Variants in UGT1A5 observed in about 807,000 individuals in gnomAD.
UGT1A5 encodes UDP-glucuronosyltransferase 1A5.
A neutral mutation model predicts 40.3 loss-of-function variants in UGT1A5; 29 were observed. The ratio of observed to expected loss-of-function variants is 0.72; its 90% CI spans 0.54 to 0.98. The LOEUF is 0.98. UGT1A5 is among the 50% of genes least tolerant of loss of function. The pLI is 0.00. For synonymous variants in UGT1A5, 257 were observed against 262.5 expected (o/e 0.98, Z 0.20); for missense variants, 678 against 677.9 (o/e 1.00, Z 0.00).
At chr2:233,750,199 CA>C (rs1448966489) in intron 1 of UGT1A5, among the ~76,000 whole-genome samples, 1 of 151,826 alleles carries the variant, frequency 6.6e-6, no homozygotes, top group Non-Finnish European at 1.5e-5. Flanking sequence ...CAATGAAGTC[CA>C]GGCTGAGTCT....
chr2:233,720,875 T>C (rs1162518067), intron 1 of UGT1A5, among the ~76,000 whole-genome samples: 2 of 150,264 alleles, frequency 1.3e-5, no homozygotes, highest in East Asian at 3.9e-4. Context: ...CTGGCAATTT[T>C]TTTTTTTTTT....
At chr2:233,730,120 A>G in intron 1 of UGT1A5, 3 of 1,552,984 alleles carry the variant, frequency 1.9e-6, no homozygotes, top group Non-Finnish European at 1.7e-6. Context: ...TCTCCTTGTC[A>G]TAATAGCCTT....
chr2:233,760,266 C>G (rs778145749), intron 1 of UGT1A5: 1 of 1,612,006 alleles, frequency 6.2e-7, no homozygotes. Flanking sequence ...GAGGGCGAAC[C>G]TCTGGCAGGA....
At chr2:233,719,800 G>A (rs528409094) in intron 1 of UGT1A5, 47 of 1,602,562 alleles carry the variant, frequency 2.9e-5, no homozygotes, top group South Asian at 6.7e-5. Flanking sequence ...TTTTATTTTG[G>A]CTTCTTTATA....
chr2:233,752,890 C>T lies in UGT1A5; in HGVS notation c.868-14144C>T, dbSNP rs537828663. Among the ~76,000 whole-genome samples, 6 of 152,322 alleles carry T rather than the reference C, an allele frequency of 3.9e-5. No homozygotes were observed. In the East Asian group the frequency reaches 1.2e-3, roughly 29 times the overall value. On this transcript the variant is annotated intron_variant, in intron 1 of 4. Coordinates refer to ENST00000373414, the MANE Select transcript of UGT1A5 (RefSeq NM_019078.2). Reference sequence around the variant, plus strand: ...GCTTTCAACTGTTAAAACTAGCCAGCGTTGTTACAGATCCACCTCTGAGTG... The same window carrying T: ...GCTTTCAACTGTTAAAACTAGCCAGTGTTGTTACAGATCCACCTCTGAGTG...
At chr2:233,724,847 C>A (rs1352664169) in intron 1 of UGT1A5, among the ~76,000 whole-genome samples, 1 of 131,490 alleles carries the variant, frequency 7.6e-6, no homozygotes, top group African/African-American at 3.2e-5. Context: ...CCAAGGCAGG[C>A]GGCTGGGAGG....
intron 1 of UGT1A5, chr2:233,719,272 C>T (rs1269795663): frequency 6.2e-7 from 1 of 1,614,132 alleles, no homozygotes; most frequent in Admixed American, 1.7e-5. Flanking sequence ...GTGGTTTTAA[C>T]AGACCCCGTT....
intron 1 of UGT1A5, among the ~76,000 whole-genome samples, chr2:233,733,037 G>T (rs562709334): frequency 5.5e-4 from 83 of 152,142 alleles, no homozygotes; most frequent in Non-Finnish European, 1.1e-3. Context: ...TCCCTTTTAA[G>T]TTGGATTCCT....
Position 233,769,206 on chromosome 2 carries a change from G to A in UGT1A5, c.1307+767G>A, listed in dbSNP as rs1699814631. 6.6e-6 allele frequency among the ~76,000 whole-genome samples: 1 copy of A among 152,206 alleles called. No homozygotes were observed. Among genetic ancestry groups the A allele is most frequent in the South Asian group, 2.1e-4 (1 of 4,832 alleles). On this transcript the variant is annotated intron_variant, in intron 4 of 4. Coordinates refer to ENST00000373414, the MANE Select transcript of UGT1A5 (RefSeq NM_019078.2). This position sits in a 1 kb window ranked among gnomAD's most constrained non-coding sequence, Gnocchi z 4.4. The stretch of plus-strand genomic sequence containing the variant: ...AATGAAGGAGCTATAAGATATCACA[G>A]ACAAAGTCTTAGAATAAGAGCAAAG...
At chr2:233,762,567 G>A (rs1279617671) in intron 1 of UGT1A5, among the ~76,000 whole-genome samples, 2 of 152,176 alleles carry the variant, frequency 1.3e-5, no homozygotes, top group Non-Finnish European at 2.9e-5. Flanking sequence ...ATCTAGTCTA[G>A]TTCCCCACAG....
chr2:233,742,567 C>T (rs1045281711), intron 1 of UGT1A5, among the ~76,000 whole-genome samples: 3 of 151,796 alleles, frequency 2.0e-5, no homozygotes, highest in East Asian at 1.9e-4. Flanking sequence ...AGCTTCTGGC[C>T]GGAATTGGGG....
chr2:233,755,023 AG>A (rs1475271740), intron 1 of UGT1A5: 1 of 1,305,718 alleles, frequency 7.7e-7, no homozygotes, highest in African/African-American at 1.5e-5. Context: ...GGGTCCTTGA[AG>A]GGCCTGCCGC....
rs187355953 is a variant in UGT1A5 at position 233,736,029 on chromosome 2, T to A, written c.867+22171T>A. 5.3e-3 allele frequency among the ~76,000 whole-genome samples: 815 copies of A among 152,350 alleles called. 8 individuals are homozygous for A. The highest frequency in any genetic ancestry group is 0.019 in the African/African-American group (776 of 41,576). On this transcript the variant is annotated intron_variant, in intron 1 of 4. Transcript: ENST00000373414. ...CGAGGAGTATCTTTGTGGTGTTCTC[T>A]GTATTTCCTGAATTTGAATGTTGGC... is the stretch of plus-strand genomic sequence containing the variant.
intron 1 of UGT1A5, among the ~76,000 whole-genome samples, chr2:233,758,576 G>A (rs1696917059): frequency 6.6e-6 from 1 of 152,184 alleles, no homozygotes; most frequent in Admixed American, 6.5e-5. Context: ...AAAAAATGAA[G>A]AGTGTTTGGG....
intron 1 of UGT1A5, among the ~76,000 whole-genome samples, chr2:233,720,431 G>A (rs28898613): frequency 0.011 from 1,733 of 152,136 alleles, 27 homozygotes; most frequent in African/African-American, 0.04. Context: ...AGATAAGACC[G>A]TGAATCTATA....
rs776227074 is a variant in UGT1A5, at chr2:233,767,898, C to T, written c.1049C>T (p.Thr350Met). 11 of 1,614,034 alleles carry T rather than the reference C, an allele frequency of 6.8e-6. No homozygotes were observed. Among genetic ancestry groups the T allele is most frequent in the East Asian group, 4.5e-5 (2 of 44,894 alleles). ...GTRPSNLANN[T>M]ILVKWLPQND... Reference sequence around the variant, plus strand: ...CGACCATCGAATCTTGCGAACAACACGATACTTGTTAAGTGGCTACCCCAA... The same window carrying T: ...CGACCATCGAATCTTGCGAACAACATGATACTTGTTAAGTGGCTACCCCAA... Residue 350 changes from threonine (T) to methionine (M), a missense_variant, in exon 3 of 5, where the codon ACG (threonine) becomes ATG (methionine). Transcript: ENST00000373414.
intron 1 of UGT1A5, among the ~76,000 whole-genome samples, chr2:233,714,210 C>T (rs368814917): frequency 6.6e-4 from 100 of 152,248 alleles, no homozygotes; most frequent in African/African-American, 2.3e-3. Context: ...CTGATCCATC[C>T]AATCTTGCTG....
At chr2:233,720,760 C>CA (rs931829626) in intron 1 of UGT1A5, among the ~76,000 whole-genome samples, 1 of 148,948 alleles carries the variant, frequency 6.7e-6, no homozygotes, top group African/African-American at 2.5e-5. Context: ...GGCTGGAGGG[C>CA]AGTGGCCGGA....
intron 1 of UGT1A5, among the ~76,000 whole-genome samples, chr2:233,766,156 G>C (rs1699057554): frequency 6.6e-6 from 1 of 152,196 alleles, no homozygotes; most frequent in Admixed American, 6.5e-5. Context: ...TGGGCTTGGA[G>C]AATGAGTGCA....
Sources: allele counts gnomAD v4.1 joint callset (sites outside exome capture counted in the v4.1 genomes callset), GRCh38; gene constraint gnomAD v4.1.1; non-coding constraint Gnocchi (gnomAD v3.1); transcripts MANE v1.5; gene names NCBI Gene and HGNC (gene_info 2026-07-23, HGNC 2026-07-21).